The following AGBL4 variants were observed in gnomAD, a reference collection of about 807,000 sequenced individuals.
AGBL4 encodes the protein cytosolic carboxypeptidase 6.
A neutral mutation model predicts 66.4 loss-of-function variants in AGBL4; 58 were observed. The observed-to-expected ratio is 0.87, with a 90% confidence interval of 0.71 to 1.09. AGBL4 has a LOEUF of 1.09. Ranked by LOEUF, AGBL4 falls within the 50% of genes least tolerant of loss-of-function variation. The pLI, the probability that AGBL4 is intolerant of heterozygous loss-of-function variation, is 0.00. For missense variants in AGBL4, 579 were observed against 631.0 expected (o/e 0.92, Z 0.88); for synonymous variants, 234 against 222.9 (o/e 1.05, Z -0.44).
chr1:48,679,715 T>C (rs1258107546), intron 6 of AGBL4, among the ~76,000 whole-genome samples: 2 of 152,220 alleles, frequency 1.3e-5, no homozygotes, highest in African/African-American at 4.8e-5. Flanking sequence ...TTCTGCTCCT[T>C]ATTCCAGAGG....
chr1:49,573,870 T>A (rs999743276), intron 3 of AGBL4, among the ~76,000 whole-genome samples: 1 of 152,134 alleles, frequency 6.6e-6, no homozygotes, highest in African/African-American at 2.4e-5. Flanking sequence ...TAAACTCTGA[T>A]GAATCTTTTT....
intron 1 of AGBL4, among the ~76,000 whole-genome samples, chr1:50,000,529 T>G (rs909712928): frequency 6.6e-6 from 1 of 152,136 alleles, no homozygotes; most frequent in Non-Finnish European, 1.5e-5. Flanking sequence ...CTTAAAGAAC[T>G]AAAAGTAAAT....
chr1:49,317,604 G>A (rs184198750), intron 3 of AGBL4, among the ~76,000 whole-genome samples: 2 of 151,938 alleles, frequency 1.3e-5, no homozygotes, highest in African/African-American at 4.8e-5. Flanking sequence ...AATCACTAGA[G>A]CCTTTCTGGA....
chr1:48,806,853 G>A (rs1056628886), intron 6 of AGBL4, among the ~76,000 whole-genome samples: 1 of 152,224 alleles, frequency 6.6e-6, no homozygotes, highest in Non-Finnish European at 1.5e-5. Flanking sequence ...ATTGTGGCAA[G>A]ATGAACAGCG....
chr1:48,620,077 A>G (rs1255181674), intron 9 of AGBL4, among the ~76,000 whole-genome samples: 1 of 152,046 alleles, frequency 6.6e-6, no homozygotes, highest in Non-Finnish European at 1.5e-5. Flanking sequence ...CGTAAAATCC[A>G]CTCGGAATGA....
At chr1:49,352,513 C>T (rs1476386664) in intron 3 of AGBL4, among the ~76,000 whole-genome samples, 1 of 151,864 alleles carries the variant, frequency 6.6e-6, no homozygotes, top group Non-Finnish European at 1.5e-5. Flanking sequence ...CAGCTCCCAG[C>T]AGTTTTAAAG....
At chr1:49,500,775 C>A (rs1281003845) in intron 3 of AGBL4, among the ~76,000 whole-genome samples, 2 of 152,066 alleles carry the variant, frequency 1.3e-5, no homozygotes, top group Non-Finnish European at 2.9e-5. Context: ...GTTTTGGTAA[C>A]TATTGCCTTG....
chr1:49,743,386 T>G (rs1650704772), intron 2 of AGBL4, among the ~76,000 whole-genome samples: 1 of 152,126 alleles, frequency 6.6e-6, no homozygotes, highest in Non-Finnish European at 1.5e-5. Flanking sequence ...TGGCCATCAT[T>G]AAAAAGTCAG....
chr1:49,985,513 T>C (rs1451718237), intron 1 of AGBL4, among the ~76,000 whole-genome samples: 1 of 152,150 alleles, frequency 6.6e-6, no homozygotes, highest in Non-Finnish European at 1.5e-5. Context: ...AAAAGTTCTG[T>C]TATAAGGCAG....
chr1:48,649,267 A>G (rs1645887778), intron 8 of AGBL4, among the ~76,000 whole-genome samples: 2 of 152,076 alleles, frequency 1.3e-5, no homozygotes, highest in Admixed American at 6.5e-5. Flanking sequence ...GAGACCCACT[A>G]TATATTGCGA....
At chr1:49,360,564 A>G (rs945909541) in intron 3 of AGBL4, among the ~76,000 whole-genome samples, 1 of 152,178 alleles carries the variant, frequency 6.6e-6, no homozygotes, top group East Asian at 1.9e-4. Flanking sequence ...GTTTTCTAAA[A>G]GGCAGCATGT....
intron 3 of AGBL4, among the ~76,000 whole-genome samples, chr1:49,672,881 A>C (rs946452857): frequency 1.4e-5 from 2 of 146,534 alleles, no homozygotes; most frequent in South Asian, 4.4e-4. Context: ...AGATCGTGCC[A>C]TTGCACTCCA....
intron 4 of AGBL4, among the ~76,000 whole-genome samples, chr1:49,119,790 C>A (rs1036039235): frequency 6.6e-6 from 1 of 152,138 alleles, no homozygotes; most frequent in African/African-American, 2.4e-5. Context: ...GTTAAAGTCT[C>A]CCACTATTAC....
chr1:48,995,173 C>T (rs74076756), intron 5 of AGBL4, among the ~76,000 whole-genome samples: 121 of 152,314 alleles, frequency 7.9e-4, no homozygotes, highest in African/African-American at 2.7e-3. Context: ...ATGTGATCTT[C>T]CCCTACTCTT....
intron 1 of AGBL4, among the ~76,000 whole-genome samples, chr1:49,873,925 T>C (rs1052732682): frequency 6.6e-6 from 1 of 152,004 alleles, no homozygotes; most frequent in African/African-American, 2.4e-5. Context: ...GGACCTAAAA[T>C]AGCCAATACA....
chr1:48,965,763 T>C (rs1184312282), intron 5 of AGBL4, among the ~76,000 whole-genome samples: 1 of 152,168 alleles, frequency 6.6e-6, no homozygotes, highest in African/African-American at 2.4e-5. Context: ...CAACTTATAT[T>C]TGCCTGCTAT....
intron 3 of AGBL4, among the ~76,000 whole-genome samples, chr1:49,435,236 G>T (rs1645878039): frequency 6.6e-6 from 1 of 152,130 alleles, no homozygotes; most frequent in South Asian, 2.1e-4. Context: ...TCAAATCAGT[G>T]CTTAGAATTT....
At chr1:48,724,884 C>T (rs1647207011) in intron 6 of AGBL4, among the ~76,000 whole-genome samples, 1 of 152,124 alleles carries the variant, frequency 6.6e-6, no homozygotes, top group South Asian at 2.1e-4. Context: ...AGACAGTGCC[C>T]AAACCTCATT....
chr1:48,852,194 C>T (rs566378162), intron 6 of AGBL4, among the ~76,000 whole-genome samples: 38 of 152,118 alleles, frequency 2.5e-4, no homozygotes, highest in African/African-American at 8.9e-4. Flanking sequence ...AGATTTGAAC[C>T]CTGGCCTAAC....
Sources: gnomAD v4.1 joint callset for allele counts (sites outside exome capture counted in the v4.1 genomes callset) on GRCh38, gnomAD v4.1.1 for gene constraint, MANE v1.5 for transcripts, NCBI Gene and HGNC (gene_info 2026-07-23, HGNC 2026-07-21) for gene names.